Variants in HSPG2 observed in about 807,000 individuals in gnomAD.
The protein encoded by HSPG2 is basement membrane-specific heparan sulfate proteoglycan core protein.
HSPG2 carries 278 observed loss-of-function variants against 526.6 expected under a neutral mutation model. The ratio of observed to expected loss-of-function variants is 0.53; its 90% CI spans 0.48 to 0.58. HSPG2 has a LOEUF of 0.58. Ranked by LOEUF, HSPG2 falls within the 20% of genes least tolerant of loss-of-function variation. HSPG2 has a pLI of 0.00. For missense variants in HSPG2, 5,354 were observed against 6,099.5 expected (o/e 0.88, Z 4.07); for synonymous variants, 2,465 against 2,555.4 (o/e 0.96, Z 1.07).
At chr1:21,911,491 G>A (rs1353402114) in intron 1 of HSPG2, among the ~76,000 whole-genome samples, 1 of 152,018 alleles carries the variant, frequency 6.6e-6, no homozygotes, top group Non-Finnish European at 1.5e-5. Flanking sequence ...TGGGCGGGCT[G>A]GCTGGGGTCA....
At chr1:21,876,091 T>C (rs750490488) in intron 23 of HSPG2, 49 bp from the exon 24 acceptor site, 9 of 1,602,632 alleles carry the variant, frequency 5.6e-6, no homozygotes, top group East Asian at 4.5e-5. Context: ...ATTCGGGCCC[T>C]GTCACTGCTC....
At chr1:21,871,188 TCAC>T (rs1271921095) in intron 33 of HSPG2, among the ~76,000 whole-genome samples, 2 of 148,920 alleles carry the variant, frequency 1.3e-5, no homozygotes, top group Non-Finnish European at 3.0e-5. Context: ...ACCACCATCA[TCAC>T]CACCTTTCCA....
At chr1:21,907,150 C>T (rs1318072385) in intron 1 of HSPG2, among the ~76,000 whole-genome samples, 2 of 152,134 alleles carry the variant, frequency 1.3e-5, no homozygotes, top group Non-Finnish European at 2.9e-5. Context: ...AGAAGGTGGC[C>T]CAGCACCCAG....
chr1:21,838,155 A>G (rs930843842), intron 74 of HSPG2, among the ~76,000 whole-genome samples: 29 of 134,534 alleles, frequency 2.2e-4, no homozygotes, highest in African/African-American at 6.1e-4. Flanking sequence ...AAAAAAAAAA[A>G]AAAGAAAGAA....
At chr1:21,926,928 C>T (rs1027800858) in intron 1 of HSPG2, among the ~76,000 whole-genome samples, 7 of 152,102 alleles carry the variant, frequency 4.6e-5, no homozygotes, top group African/African-American at 1.7e-4. Context: ...AAACGCCAAA[C>T]AAGGAGAGGG....
At chr1:21,835,691 C>T (rs1446854966) in intron 75 of HSPG2, 54 bp from the exon 76 acceptor site, 20 of 1,395,562 alleles carry the variant, frequency 1.4e-5, no homozygotes, top group Non-Finnish European at 1.8e-5. Flanking sequence ...TGATAGAATG[C>T]TTTGCAATTG....
intron 91 of HSPG2, 69 bp downstream of exon 91, chr1:21,827,794 T>A: frequency 6.7e-7 from 1 of 1,482,298 alleles, no homozygotes; most frequent in South Asian, 1.2e-5. Flanking sequence ...AGGCCAGAAT[T>A]GAGGGTGTGG....
chr1:21,829,909 G>A (rs963312633), intron 86 of HSPG2, 84 bp downstream of exon 86: 48 of 1,124,486 alleles, frequency 4.3e-5, no homozygotes, highest in Admixed American at 1.2e-4. Flanking sequence ...TCATCCGTAG[G>A]GCCCATCATG....
At position 21,839,114 on chromosome 1, in the gene HSPG2, TG is replaced by T; in HGVS notation, c.9890-30del. 1.3e-6 allele frequency: 2 copies of T among 1,560,814 alleles called. No homozygotes were observed. Among genetic ancestry groups the T allele is most frequent in the Non-Finnish European group, 8.7e-7 (1 of 1,150,388 alleles). Reference sequence around the variant, plus strand: ...AGTGGGGGGACACAGAGGTCAGGATTGGGGAGGGCAAAGGTCAGAATGGCAG... The same window carrying T: ...AGTGGGGGGACACAGAGGTCAGGATTGGGAGGGCAAAGGTCAGAATGGCAG... On this transcript the variant is annotated intron_variant, in intron 73 of 96. Coordinates refer to ENST00000374695, the MANE Select transcript of HSPG2 (RefSeq NM_005529.7). This position sits in a 1 kb window ranked among gnomAD's most constrained non-coding sequence, Gnocchi z 4.5.
intron 21 of HSPG2, among the ~76,000 whole-genome samples, chr1:21,877,884 A>G (rs1641204738): frequency 6.6e-6 from 1 of 152,234 alleles, no homozygotes; most frequent in African/African-American, 2.4e-5. Flanking sequence ...TATCTATATC[A>G]TTGTATCAAT....
rs1045930182 is a variant in HSPG2 at position 21,852,584 on chromosome 1, G to A, written c.6724+116C>T. Reference sequence around the variant, plus strand: ...GTGGAGTCGGCCTGGGCAGGGCCCTGCAGCCAGCTCCGGTGTGGGCCTTCT... The same window carrying A: ...GTGGAGTCGGCCTGGGCAGGGCCCTACAGCCAGCTCCGGTGTGGGCCTTCT... On this transcript the variant is annotated intron_variant, in intron 52 of 96. Transcript: ENST00000374695. The A allele has an allele frequency of 9.1e-6, 13 of 1,435,420 alleles. No individual in the cohort carries two copies. The East Asian group carries it at 9.1e-5, about 10-fold the overall frequency. 88.9% of individuals were successfully genotyped at this position (1,435,420 alleles called of 1,614,324 possible). A position where few individuals can be genotyped will look rare whatever the true frequency, so the allele number is the denominator to read the frequency against.
rs752793818 is a variant in HSPG2, at chr1:21,823,339, T to C, written c.13153A>G (p.Asn4385Asp). Residue 4385 changes from asparagine (N) to aspartate (D), a missense_variant, in exon 97 of 97, where the codon AAC becomes GAC. By Grantham distance (23) the Asn-to-Asp change is conservative. Coordinates refer to ENST00000374695, the MANE Select transcript of HSPG2 (RefSeq NM_005529.7). ...GCCTACGAGGGGCAGGGGCGTGTGT[T>C]GGCCCCGGCCTGGGCGCGGTGCTGC... ...DLQHRAQAGA[N>D]TRPCPS 281 of 1,542,132 alleles carry C rather than the reference T, an allele frequency of 1.8e-4. 2 individuals carry two copies. The East Asian group carries it at 6.6e-3, about 36-fold the overall frequency.
In HSPG2 at chr1:21,885,322, C is replaced by T; in HGVS notation, c.1208G>A (p.Cys403Tyr). The T allele has an allele frequency of 6.2e-7, 1 of 1,613,972 alleles. No homozygotes were observed. The highest frequency in any genetic ancestry group is 2.2e-5 in the East Asian group (1 of 44,876). ...CTCGACCCCAGCTCCCTGCTCACTG[C>T]AGCCAAACTCGTCGCTCCGGTCAGG... ...DCPDRSDEFG[C>Y]MPPQVVTPPR... The change falls in exon 10 of 97, where the codon TGC becomes TAC. Residue 403 changes from cysteine (C) to tyrosine (Y), a missense_variant and splice_region_variant. By Grantham distance (194) the Cys-to-Tyr change is radical. Transcript: ENST00000374695.
At chr1:21,854,449 G>A in intron 49 of HSPG2, 106 bp from the exon 50 acceptor site, 1 of 1,480,618 alleles carries the variant, frequency 6.8e-7, no homozygotes, top group Non-Finnish European at 9.2e-7. Context: ...TCTGCTCCGA[G>A]CCATCCCATG....
At position 21,887,327 on chromosome 1, in the gene HSPG2, C is replaced by CG. The variant is rs778898735; in HGVS notation, c.965dup (p.Pro323AlafsTer4). 1 of 1,613,952 alleles carries CG rather than the reference C, an allele frequency of 6.2e-7. No individual in the cohort carries two copies. Among genetic ancestry groups the CG allele is most frequent in the Non-Finnish European group, 8.5e-7 (1 of 1,179,924 alleles). The stretch of plus-strand genomic sequence containing the variant: ...GGAACTCGTTGGGCTCACAGGGTGG[C>CG]GGGGGGCCTAGGAGACCGGGCAGGG... On this transcript the variant is annotated frameshift_variant, in exon 9 of 97. Coordinates refer to ENST00000374695, the MANE Select transcript of HSPG2 (RefSeq NM_005529.7). LOFTEE classifies it high-confidence loss of function. This position sits in a 1 kb window ranked among gnomAD's most constrained non-coding sequence, Gnocchi z 5.0.
In HSPG2 at chr1:21,828,808, C is replaced by T. The variant is rs780879968; in HGVS notation, c.12237+27G>A. On this transcript the variant is annotated intron_variant, in intron 88 of 96. Coordinates refer to ENST00000374695, the MANE Select transcript of HSPG2 (RefSeq NM_005529.7). The surrounding 1 kb of genome is among the most constrained non-coding windows in gnomAD (Gnocchi z 6.0). ...ACAAGGCTTGGCACCCCTCCCCTCC[C>T]GCTTGTCCCGAGGAGGCTGCTCTTA... 41 of 1,550,112 alleles carry T rather than the reference C, an allele frequency of 2.6e-5. No individual in the cohort carries two copies. The highest frequency in any genetic ancestry group is 1.4e-4 in the South Asian group (12 of 84,038).
rs1324631635 is a variant in HSPG2 at position 21,937,175 on chromosome 1, G to A, written c.43C>T (p.Leu15=). Residue 15 remains leucine, a synonymous_variant, in exon 1 of 97, where the codon CTG becomes TTG. Transcript: ENST00000374695. ...AAGALLLALL[L]HGRLLAVTHG... ...CTCACCGCCAGCAGCCGCCCGTGCA[G>A]CAGCAGCGCCAGCAGCAGCGCGCCC... 3.7e-6 allele frequency: 4 copies of A among 1,083,798 alleles called. No homozygotes were observed. The highest frequency in any genetic ancestry group is 3.6e-5 in the Admixed American group (1 of 27,632). The allele number at this position is 1,083,798 out of a possible 1,614,324, so 67.1% of individuals were successfully genotyped here. A position where few individuals can be genotyped will look rare whatever the true frequency, so the allele number is the denominator to read the frequency against.
chr1:21,838,752 G>A (rs60393924), intron 74 of HSPG2, 73 bp downstream of exon 74: 8 of 1,528,916 alleles, frequency 5.2e-6, no homozygotes, highest in South Asian at 2.3e-5. Flanking sequence ...TCCCACCCGA[G>A]TCTGCCTAGC....
rs1557731959 is a variant in HSPG2 at position 21,858,110 on chromosome 1, C to G, written c.5294-725G>C. 6.6e-6 allele frequency among the ~76,000 whole-genome samples: 1 copy of G among 152,256 alleles called. No individual in the cohort carries two copies. Among genetic ancestry groups the G allele is most frequent in the Non-Finnish European group, 1.5e-5 (1 of 68,048 alleles). On this transcript the variant is annotated intron_variant, in intron 42 of 96. Coordinates refer to ENST00000374695, the MANE Select transcript of HSPG2 (RefSeq NM_005529.7). The surrounding 1 kb of genome is among the most constrained non-coding windows in gnomAD (Gnocchi z 4.2). The stretch of plus-strand genomic sequence containing the variant: ...CTGGCCTCCCTTCAGAGCCAAGACT[C>G]TTGCAGGAGTTGTCCACACTCGCTG...
Sources: gnomAD v4.1 joint callset for allele counts (sites outside exome capture counted in the v4.1 genomes callset) on GRCh38, gnomAD v4.1.1 for gene constraint, Gnocchi (gnomAD v3.1) non-coding constraint, MANE v1.5 for transcripts, NCBI Gene and HGNC (gene_info 2026-07-23, HGNC 2026-07-21) for gene names.